NUMB: variants seen among roughly 807,000 people sequenced by gnomAD.
NUMB encodes NUMB endocytic adaptor protein.
NUMB carries 29 observed loss-of-function variants against 59.7 expected under a neutral mutation model. The observed-to-expected ratio is 0.49, with a 90% confidence interval of 0.36 to 0.66. The LOEUF (loss-of-function observed/expected upper bound fraction) is 0.66, where lower values mean the gene tolerates loss of function less well. Ranked by LOEUF, NUMB falls within the 30% of genes least tolerant of loss-of-function variation. The pLI is 0.00. For missense variants in NUMB, 723 were observed against 822.0 expected, an observed-to-expected ratio of 0.88 and a Z score of 1.47; for synonymous variants, 288 against 288.2, an observed-to-expected ratio of 1.00 and a Z score of 0.01.
At chr14:73,278,641 A>AG (rs68024616) in intron 12 of NUMB, among the ~76,000 whole-genome samples, 151,606 of 151,606 alleles carry the variant, frequency 1, 75,803 homozygotes, top group Non-Finnish European at 1. Flanking sequence ...CTATTGTAGG[A>AG]GCAGGGCCCC....
rs547138957 is a variant in NUMB at position 73,367,532 on chromosome 14, G to A, written c.-100-551C>T. Among the ~76,000 whole-genome samples the A allele has an allele frequency of 4.6e-5, 7 of 151,716 alleles. No homozygotes were observed. In the East Asian group the frequency reaches 9.7e-4, roughly 21 times the overall value. ...GCCATGCCTGTAATCCCAGCACTTC[G>A]GGAGGCCTCGGCAGGACAATCACTT... On this transcript the variant is annotated intron_variant, in intron 2 of 12. Coordinates refer to ENST00000555238, the MANE Select transcript of NUMB (RefSeq NM_001005743.2).
intron 7 of NUMB, among the ~76,000 whole-genome samples, chr14:73,293,821 G>A (rs1010994105): frequency 6.6e-6 from 1 of 152,132 alleles, no homozygotes; most frequent in East Asian, 1.9e-4. Context: ...TTCTGTTAAG[G>A]TAGCAGTCTA....
chr14:73,327,050 T>TAA (rs71112729), intron 4 of NUMB, among the ~76,000 whole-genome samples: 15 of 149,682 alleles, frequency 1.0e-4, no homozygotes, highest in South Asian at 2.1e-4. Flanking sequence ...TAAGGAAATT[T>TAA]AAAAAAAAAA....
chr14:73,312,405 G>C (rs531701123), intron 6 of NUMB, among the ~76,000 whole-genome samples: 1 of 151,822 alleles, frequency 6.6e-6, no homozygotes, highest in Admixed American at 6.6e-5. Context: ...ACAAAAAGTA[G>C]GCATACAACA....
At chr14:73,384,889 AT>A (rs143582593) in intron 2 of NUMB, among the ~76,000 whole-genome samples, 2,671 of 114,432 alleles carry the variant, frequency 0.023, 32 homozygotes, top group African/African-American at 0.072. Flanking sequence ...AATAACTGTA[AT>A]TTTTTTTTTT....
chr14:73,388,092 G>A (rs1275412481), intron 2 of NUMB, among the ~76,000 whole-genome samples: 2 of 151,850 alleles, frequency 1.3e-5, no homozygotes, highest in African/African-American at 2.4e-5. Context: ...GACCAAGTGA[G>A]ACCCTGTCTC....
chr14:73,343,962 G>C (rs527921933), intron 4 of NUMB, among the ~76,000 whole-genome samples: 7 of 151,874 alleles, frequency 4.6e-5, no homozygotes, highest in East Asian at 1.9e-4. Flanking sequence ...AGGGGTTGGG[G>C]GTTGCCTAAG....
At chr14:73,449,884 C>T (rs1883804279) in intron 1 of NUMB, among the ~76,000 whole-genome samples, 2 of 152,176 alleles carry the variant, frequency 1.3e-5, no homozygotes, top group Non-Finnish European at 2.9e-5. Flanking sequence ...CACGGGCTTT[C>T]GCCATGTTGG....
intron 1 of NUMB, among the ~76,000 whole-genome samples, chr14:73,451,163 A>AAAAAC (rs1883920579): frequency 2.1e-5 from 3 of 139,984 alleles, no homozygotes; most frequent in Admixed American, 7.4e-5. Context: ...CAAAAAAAAA[A>AAAAAC]AAAAAAAAAA....
intron 6 of NUMB, among the ~76,000 whole-genome samples, chr14:73,314,044 A>G (rs2139896787): frequency 6.6e-6 from 1 of 152,328 alleles, no homozygotes; most frequent in East Asian, 1.9e-4. Context: ...CTACTAAAAA[A>G]GACGATTATT....
intron 4 of NUMB, among the ~76,000 whole-genome samples, chr14:73,341,223 G>C (rs1892614594): frequency 6.6e-6 from 1 of 152,212 alleles, no homozygotes; most frequent in African/African-American, 2.4e-5. Flanking sequence ...TTGAAGGTAA[G>C]AGAGTAAGGC....
intron 1 of NUMB, among the ~76,000 whole-genome samples, chr14:73,418,336 G>A (rs534256317): frequency 6.6e-6 from 1 of 152,150 alleles, no homozygotes; most frequent in Non-Finnish European, 1.5e-5. Flanking sequence ...GAGAGGAGTG[G>A]GGTATAGGAA....
At chr14:73,349,201 G>A (rs1594934197) in intron 4 of NUMB, among the ~76,000 whole-genome samples, 3 of 152,226 alleles carry the variant, frequency 2.0e-5, no homozygotes, top group Non-Finnish European at 4.4e-5. Flanking sequence ...AGCACTTTGG[G>A]AGGCCAAGAT....
chr14:73,282,287 TA>T, intron 11 of NUMB, 71 bp downstream of exon 11: 3 of 1,505,660 alleles, frequency 2.0e-6, no homozygotes, highest in Non-Finnish European at 2.7e-6. Context: ...GATGCCAACT[TA>T]CAGTTAGTGA....
rs1033614441 is a variant in NUMB at position 73,369,165 on chromosome 14, C to T, written c.-100-2184G>A. On this transcript the variant is annotated intron_variant, in intron 2 of 12. Coordinates refer to ENST00000555238, the MANE Select transcript of NUMB (RefSeq NM_001005743.2). ...CAAGTGATTCTCCTGCCTCGGCCTC[C>T]TGAGTAGCTGGGATTACAGGTGCTC... 6.6e-5 allele frequency among the ~76,000 whole-genome samples: 10 copies of T among 151,894 alleles called. No homozygotes were observed. The East Asian group carries it at 1.9e-3, about 29-fold the overall frequency.
intron 7 of NUMB, among the ~76,000 whole-genome samples, chr14:73,296,452 A>G (rs1283482219): frequency 6.6e-6 from 1 of 152,102 alleles, no homozygotes; most frequent in Non-Finnish European, 1.5e-5. Flanking sequence ...AAAAAAAAAA[A>G]AAAAAGAACT....
intron 4 of NUMB, among the ~76,000 whole-genome samples, chr14:73,328,538 C>T (rs1023925820): frequency 6.6e-6 from 1 of 152,122 alleles, no homozygotes; most frequent in African/African-American, 2.4e-5. Context: ...TTTACCTTCC[C>T]ACCTGCAATG....
At chr14:73,384,012 G>A (rs968371875) in intron 2 of NUMB, among the ~76,000 whole-genome samples, 3 of 151,732 alleles carry the variant, frequency 2.0e-5, no homozygotes, top group Admixed American at 6.6e-5. Flanking sequence ...GTGAGACTCT[G>A]TCTCAAAAAA....
intron 2 of NUMB, among the ~76,000 whole-genome samples, chr14:73,392,013 T>A (rs1028994346): frequency 2.6e-5 from 4 of 152,184 alleles, no homozygotes; most frequent in African/African-American, 9.6e-5. Flanking sequence ...GTCCAAAATC[T>A]TCCCCAGGGT....
Sources: allele counts gnomAD v4.1 joint callset (sites outside exome capture counted in the v4.1 genomes callset), GRCh38; gene constraint gnomAD v4.1.1; transcripts MANE v1.5; gene names NCBI Gene and HGNC (gene_info 2026-07-23, HGNC 2026-07-21).